Variants in SHANK2 observed in about 807,000 individuals in gnomAD.
SHANK2 encodes SH3 and multiple ankyrin repeat domains protein 2.
In SHANK2, 43 loss-of-function variants were observed where a neutral mutation model predicts 133.7. The ratio of observed to expected loss-of-function variants is 0.32; its 90% CI spans 0.25 to 0.41. The LOEUF (loss-of-function observed/expected upper bound fraction) is 0.41. Among genes scored for constraint, SHANK2 ranks in the 10% least tolerant of loss-of-function variants. The probability of loss-of-function intolerance (pLI) is 1.00; values close to 1 mark genes in which losing one functional copy is unlikely to be tolerated. For missense variants in SHANK2, 1,994 were observed against 2,235.8 expected (o/e 0.89, Z 2.18); for synonymous variants, 1,017 against 952.8 (o/e 1.07, Z -1.24).
chr11:70,661,500 TACACACACACACACAC>T lies in SHANK2; in HGVS notation c.1936+80_1936+95del, dbSNP rs3837380. On this transcript the variant is annotated intron_variant, in intron 16 of 25. Coordinates refer to ENST00000601538, the MANE Select transcript of SHANK2 (RefSeq NM_012309.5). ...GGGGAACGTTTTTCATGCAGGCGTA[TACACACACACACACAC>T]ACACACACACACACACACACACACA... 2.0e-3 allele frequency: 2,111 copies of T among 1,063,830 alleles called. 20 individuals are homozygous for T. The African/African-American group carries it at 0.031, about 16-fold the overall frequency. 65.9% of individuals were successfully genotyped at this position (1,063,830 alleles called of 1,614,324 possible).
chr11:70,728,756 T>C (rs1946224135), intron 14 of SHANK2, among the ~76,000 whole-genome samples: 1 of 152,164 alleles, frequency 6.6e-6, no homozygotes, highest in Non-Finnish European at 1.5e-5. Context: ...AAAAAACCAG[T>C]TCCAAACACT....
chr11:71,104,361 G>C (rs1048696036), intron 6 of SHANK2, among the ~76,000 whole-genome samples: 4 of 151,568 alleles, frequency 2.6e-5, no homozygotes, highest in South Asian at 2.1e-4. Context: ...CCAACACAGG[G>C]CCCCCCCCAT....
intron 17 of SHANK2, among the ~76,000 whole-genome samples, chr11:70,525,780 C>A (rs115452660): frequency 6.6e-6 from 1 of 152,000 alleles, no homozygotes; most frequent in Non-Finnish European, 1.5e-5. Context: ...AGCTAACCCC[C>A]CTCCTAGCCC....
In SHANK2 at chr11:70,467,969, CCTTT is replaced by C. The variant is rs1165011321; in HGVS notation, c.*4896_*4899del. ...CTCAACATTTCATAGCTCGAACCGT[CCTTT>C]CTTTACGTTGTGCATTGATATGGGC... On this transcript the variant is annotated 3_prime_UTR_variant, in exon 26 of 26. Coordinates refer to ENST00000601538, the MANE Select transcript of SHANK2 (RefSeq NM_012309.5). 1.3e-5 allele frequency: 2 copies of C among 152,612 alleles called. No individual in the cohort carries two copies. The highest frequency in any genetic ancestry group is 1.5e-5 in the Non-Finnish European group (1 of 68,044). The allele number at this position is 152,612 out of a possible 1,614,324, so 9.5% of individuals were successfully genotyped here.
At chr11:70,941,845 A>G (rs1950652401) in intron 10 of SHANK2, among the ~76,000 whole-genome samples, 1 of 150,994 alleles carries the variant, frequency 6.6e-6, no homozygotes, top group Non-Finnish European at 1.5e-5. Flanking sequence ...GTGTTATAAC[A>G]ATAATATAAT....
intron 14 of SHANK2, among the ~76,000 whole-genome samples, chr11:70,735,543 A>C (rs1395652062): frequency 6.6e-6 from 1 of 152,080 alleles, no homozygotes; most frequent in Admixed American, 6.6e-5. Flanking sequence ...ATCTGTATTA[A>C]AGATACAAGA....
chr11:70,704,118 G>C (rs569345158), intron 14 of SHANK2, among the ~76,000 whole-genome samples: 1 of 152,376 alleles, frequency 6.6e-6, no homozygotes, highest in South Asian at 2.1e-4. Flanking sequence ...ATGGCACAGG[G>C]CTCGGGAGGA....
chr11:71,060,611 G>C (rs1590875124), intron 9 of SHANK2, among the ~76,000 whole-genome samples: 1 of 152,238 alleles, frequency 6.6e-6, no homozygotes, highest in Non-Finnish European at 1.5e-5. Context: ...CTCACTATGA[G>C]GACCATGCAT....
chr11:70,701,455 G>A (rs1186774173), intron 14 of SHANK2, among the ~76,000 whole-genome samples: 1 of 152,134 alleles, frequency 6.6e-6, no homozygotes, highest in East Asian at 1.9e-4. Flanking sequence ...AGGCTGGAGT[G>A]CAGTGGTGCG....
intron 2 of SHANK2, among the ~76,000 whole-genome samples, chr11:71,219,348 C>T (rs974576604): frequency 2.6e-5 from 4 of 152,152 alleles, no homozygotes; most frequent in Non-Finnish European, 4.4e-5. Context: ...CCCAGATTGT[C>T]AGGAAATATC....
chr11:70,758,886 C>T (rs1220145379), intron 14 of SHANK2, among the ~76,000 whole-genome samples: 2 of 152,228 alleles, frequency 1.3e-5, no homozygotes, highest in Non-Finnish European at 2.9e-5. Context: ...TCTGGCCGGG[C>T]GCGGTGGCTC....
chr11:70,686,762 C>T (rs1395651348), intron 15 of SHANK2, among the ~76,000 whole-genome samples: 1 of 152,200 alleles, frequency 6.6e-6, no homozygotes, highest in Non-Finnish European at 1.5e-5. Context: ...CCAAAGACAC[C>T]TCCCTGCTTC....
At chr11:71,164,666 G>A (rs372735904) in intron 2 of SHANK2, among the ~76,000 whole-genome samples, 7 of 152,206 alleles carry the variant, frequency 4.6e-5, no homozygotes, top group Admixed American at 6.5e-5. Flanking sequence ...ACTGGTAAAC[G>A]GAGATGTGCC....
intron 6 of SHANK2, among the ~76,000 whole-genome samples, chr11:71,102,353 T>G (rs1303373181): frequency 6.6e-6 from 1 of 152,154 alleles, no homozygotes; most frequent in Admixed American, 6.5e-5. Flanking sequence ...CACAGGCTGT[T>G]TTGTTTTCAT....
rs1427334937 is a variant in SHANK2 at position 70,504,789 on chromosome 11, C to T, written c.2062-1858G>A. On this transcript the variant is annotated intron_variant, in intron 17 of 25. Transcript: ENST00000601538. ...AGGAGCCGGATCGAGGAAGACAGCACCGGGAGTTCTCGGAGGGCAGACCTC... is the reference window on the plus strand; with the variant it reads ...AGGAGCCGGATCGAGGAAGACAGCATCGGGAGTTCTCGGAGGGCAGACCTC... Among the ~76,000 whole-genome samples the T allele has an allele frequency of 4.6e-5, 7 of 152,032 alleles. No individual in the cohort carries two copies. In the South Asian group the frequency reaches 6.3e-4, roughly 14 times the overall value.
chr11:70,624,737 C>A (rs879956952), intron 17 of SHANK2, among the ~76,000 whole-genome samples: 2 of 152,102 alleles, frequency 1.3e-5, no homozygotes, highest in African/African-American at 2.4e-5. Flanking sequence ...CTGCTGGACA[C>A]CCCACAGTGT....
chr11:70,945,141 G>A (rs967169627), intron 10 of SHANK2, among the ~76,000 whole-genome samples: 22 of 152,244 alleles, frequency 1.4e-4, no homozygotes, highest in Admixed American at 5.2e-4. Context: ...CACTTATGCA[G>A]GGGATGGAAA....
At chr11:70,726,715 G>A (rs1221110638) in intron 14 of SHANK2, among the ~76,000 whole-genome samples, 1 of 152,212 alleles carries the variant, frequency 6.6e-6, no homozygotes, top group Non-Finnish European at 1.5e-5. Context: ...TGACTTTGCA[G>A]CTCCTCTTAT....
At chr11:71,073,148 T>C (rs1186181490) in intron 9 of SHANK2, among the ~76,000 whole-genome samples, 4 of 33,874 alleles carry the variant, frequency 1.2e-4, no homozygotes, top group African/African-American at 2.0e-4. Flanking sequence ...TTTTCTTTTC[T>C]TTTTTTTCTT....
Sources: allele counts gnomAD v4.1 joint callset (sites outside exome capture counted in the v4.1 genomes callset), GRCh38; gene constraint gnomAD v4.1.1; transcripts MANE v1.5; gene names NCBI Gene and HGNC (gene_info 2026-07-23, HGNC 2026-07-21).